The following ARMH3 variants were observed in gnomAD, a reference collection of about 807,000 sequenced individuals.
ARMH3 encodes the protein armadillo like helical domain containing 3.
In ARMH3, 60 loss-of-function variants were observed where a neutral mutation model predicts 99.1. The ratio of observed to expected loss-of-function variants is 0.61; its 90% CI spans 0.49 to 0.75. The LOEUF is 0.75. Ranked by LOEUF, ARMH3 falls within the 30% of genes least tolerant of loss-of-function variation. ARMH3 has a pLI of 0.00. For missense variants in ARMH3, 679 were observed against 843.1 expected (o/e 0.81, Z 2.41); for synonymous variants, 285 against 292.8 (o/e 0.97, Z 0.27).
Position 101,946,886 on chromosome 10 carries a change from GA to G in ARMH3, c.1706-6949del, listed in dbSNP as rs1037472955. On this transcript the variant is annotated intron_variant, in intron 22 of 25. Coordinates refer to ENST00000370033, the MANE Select transcript of ARMH3 (RefSeq NM_024541.3). ...CACACTGCTGAAAGCCAAAGATAAG[GA>G]AAAAAAAAAAACCTTTTAAGAAGCT... Among the ~76,000 whole-genome samples, 163 of 141,796 alleles carry G rather than the reference GA, an allele frequency of 1.1e-3. 1 individual carries two copies. In the Middle Eastern group the frequency reaches 0.014, roughly 13 times the overall value. The allele number at this position is 141,796 out of a possible 152,430, so 93.0% of individuals were successfully genotyped here.
chr10:101,892,766 T>C (rs1047928192), intron 23 of ARMH3, among the ~76,000 whole-genome samples: 6 of 152,156 alleles, frequency 3.9e-5, no homozygotes, highest in Non-Finnish European at 7.3e-5. Context: ...ATAGTACATA[T>C]AATAAAAACT....
intron 24 of ARMH3, among the ~76,000 whole-genome samples, chr10:101,883,986 T>TCACACACA (rs140583795): frequency 4.1e-5 from 6 of 145,460 alleles, no homozygotes; most frequent in African/African-American, 1.3e-4. Flanking sequence ...GAGGGAGATC[T>TCACACACA]CACACACACA....
chr10:102,041,743 G>T (rs1050626679), intron 1 of ARMH3, among the ~76,000 whole-genome samples: 1 of 151,844 alleles, frequency 6.6e-6, no homozygotes, highest in African/African-American at 2.4e-5. Context: ...CTGTCTCCCA[G>T]GTTCAAGTGA....
At chr10:101,887,680 A>C (rs1350429215) in intron 24 of ARMH3, among the ~76,000 whole-genome samples, 2 of 129,728 alleles carry the variant, frequency 1.5e-5, no homozygotes, top group Admixed American at 9.9e-5. Context: ...CAATCTGCCC[A>C]CCTCAGCCTC....
At chr10:101,997,383 G>GGA (rs1326909196) in intron 15 of ARMH3, among the ~76,000 whole-genome samples, 1 of 152,058 alleles carries the variant, frequency 6.6e-6, no homozygotes, top group Non-Finnish European at 1.5e-5. Context: ...CACAAGGTCA[G>GGA]GAGATCGAGA....
chr10:101,856,377 T>G (rs916920510), intron 24 of ARMH3, among the ~76,000 whole-genome samples: 21 of 152,236 alleles, frequency 1.4e-4, no homozygotes, highest in Admixed American at 1.3e-3. Context: ...GATCTTTAAT[T>G]GGGCTTTTTA....
At chr10:101,950,303 C>T (rs1180396453) in intron 22 of ARMH3, among the ~76,000 whole-genome samples, 1 of 152,088 alleles carries the variant, frequency 6.6e-6, no homozygotes, top group African/African-American at 2.4e-5. Flanking sequence ...GATAACAGGA[C>T]ACAAGATTAA....
intron 19 of ARMH3, among the ~76,000 whole-genome samples, chr10:101,988,296 T>A (rs186960341): frequency 1.3e-5 from 2 of 152,216 alleles, no homozygotes; most frequent in East Asian, 3.9e-4. Context: ...AATGAAAAAA[T>A]TGAAACTACA....
chr10:102,054,506 G>A (rs1298569803), intron 1 of ARMH3, among the ~76,000 whole-genome samples: 1 of 152,124 alleles, frequency 6.6e-6, no homozygotes, highest in Non-Finnish European at 1.5e-5. Flanking sequence ...CGTAACAAGA[G>A]GGATCCCTCT....
chr10:101,998,608 TG>T (rs1181885868), intron 15 of ARMH3, among the ~76,000 whole-genome samples: 4 of 152,226 alleles, frequency 2.6e-5, no homozygotes, highest in Non-Finnish European at 5.9e-5. Flanking sequence ...CTTTCTGCTC[TG>T]GCAATTCTTC....
At chr10:101,874,458 A>G (rs796919825) in intron 24 of ARMH3, among the ~76,000 whole-genome samples, 1 of 152,126 alleles carries the variant, frequency 6.6e-6, no homozygotes, top group South Asian at 2.1e-4. Flanking sequence ...GAGTCCTCCC[A>G]TTGTGCTCTT....
intron 10 of ARMH3, 83 bp downstream of exon 10, chr10:102,012,750 T>C: frequency 7.4e-7 from 1 of 1,358,034 alleles, no homozygotes; most frequent in Non-Finnish European, 1.0e-6. Flanking sequence ...GTAAGGGAAT[T>C]TGACCCAAGA....
intron 22 of ARMH3, among the ~76,000 whole-genome samples, chr10:101,949,332 C>T (rs1364658309): frequency 6.7e-6 from 1 of 148,944 alleles, no homozygotes; most frequent in Non-Finnish European, 1.5e-5. Context: ...ACTTGATAAA[C>T]ATCTATCCAA....
chr10:102,004,010 G>A (rs1239950897), intron 14 of ARMH3, among the ~76,000 whole-genome samples: 1 of 152,176 alleles, frequency 6.6e-6, no homozygotes, highest in Admixed American at 6.5e-5. Flanking sequence ...CACCTAACTG[G>A]TAAGTGGGGC....
rs1407775423 is a variant in ARMH3, at chr10:102,001,212, T to C, written c.1150+759A>G. Among the ~76,000 whole-genome samples, 4 of 152,212 alleles carry C rather than the reference T, an allele frequency of 2.6e-5. No individual in the cohort carries two copies. In the East Asian group the frequency reaches 7.7e-4, roughly 29 times the overall value. On this transcript the variant is annotated intron_variant, in intron 15 of 25. Transcript: ENST00000370033. ...ATGGTAAATTTTGTTATATATACTTTACCACAATAAAAACAAACATAAAAA... is the reference window on the plus strand; with the variant it reads ...ATGGTAAATTTTGTTATATATACTTCACCACAATAAAAACAAACATAAAAA...
At position 102,030,302 on chromosome 10, in the gene ARMH3, TTTC is replaced by T. The variant is rs1306411536; in HGVS notation, c.307-560_307-558del. 3.9e-5 allele frequency among the ~76,000 whole-genome samples: 6 copies of T among 152,186 alleles called. No homozygotes were observed. In the East Asian group the frequency reaches 9.6e-4, roughly 24 times the overall value. The stretch of plus-strand genomic sequence containing the variant: ...GACTGCTGTCATCCTCATTTTTTAT[TTTC>T]TTGTCATCTTGTTTTTAAAAATTAT... On this transcript the variant is annotated intron_variant, in intron 4 of 25. Coordinates refer to ENST00000370033, the MANE Select transcript of ARMH3 (RefSeq NM_024541.3).
intron 23 of ARMH3, among the ~76,000 whole-genome samples, chr10:101,894,899 A>C (rs1002583920): frequency 4.7e-5 from 7 of 150,418 alleles, no homozygotes; most frequent in Non-Finnish European, 8.9e-5. Context: ...GGCACCAGAG[A>C]GCTCTCTTGC....
At chr10:101,974,329 T>G (rs1845898740) in intron 20 of ARMH3, among the ~76,000 whole-genome samples, 1 of 152,202 alleles carries the variant, frequency 6.6e-6, no homozygotes, top group Non-Finnish European at 1.5e-5. Flanking sequence ...GGCCTGTTTC[T>G]TATAAAGGCT....
At chr10:101,950,918 T>C (rs564591723) in intron 22 of ARMH3, among the ~76,000 whole-genome samples, 114 of 152,312 alleles carry the variant, frequency 7.5e-4, no homozygotes, top group Non-Finnish European at 1.3e-4. Context: ...ACTCACCAAA[T>C]TGTATGCTTT....
Sources: allele counts gnomAD v4.1 joint callset (sites outside exome capture counted in the v4.1 genomes callset), GRCh38; gene constraint gnomAD v4.1.1; transcripts MANE v1.5; gene names NCBI Gene and HGNC (gene_info 2026-07-23, HGNC 2026-07-21).